The following POLR3F variants were observed in gnomAD, a reference collection of about 807,000 sequenced individuals.
The protein encoded by POLR3F is DNA-directed RNA polymerase III subunit RPC6.
A neutral mutation model predicts 43.6 loss-of-function variants in POLR3F; 31 were observed. That is an observed-to-expected ratio of 0.71 (90% CI 0.53 to 0.96). POLR3F has a LOEUF of 0.96. Ranked by LOEUF, POLR3F falls within the 40% of genes least tolerant of loss-of-function variation. The pLI is 0.00. For missense variants in POLR3F, 316 were observed against 391.7 expected (o/e 0.81, Z 1.63); for synonymous variants, 114 against 132.5 (o/e 0.86, Z 0.96).
At chr20:18,475,393 TTACTG>T (rs1250857089) in intron 5 of POLR3F, among the ~76,000 whole-genome samples, 2 of 152,228 alleles carry the variant, frequency 1.3e-5, no homozygotes, top group Non-Finnish European at 2.9e-5. Context: ...TAAAACTACT[TTACTG>T]TCTTCAGTGA....
At chr20:18,467,742 C>T (rs1200511321) in intron 1 of POLR3F, 174 bp downstream of exon 1, 2 of 1,360,562 alleles carry the variant, frequency 1.5e-6, no homozygotes, top group African/African-American at 1.5e-5. Context: ...GAGAGCAGAA[C>T]TCAAGAAGTT....
intron 4 of POLR3F, 82 bp from the exon 5 acceptor site, chr20:18,474,993 G>A: frequency 4.5e-6 from 3 of 661,978 alleles, no homozygotes. Context: ...TGCTAGCTTT[G>A]GAATGAGACA....
Position 18,467,536 on chromosome 20 carries a change from G to A in POLR3F, c.30G>A (p.Pro10=). 3 of 1,614,272 alleles carry A rather than the reference G, an allele frequency of 1.9e-6. No homozygotes were observed. Among genetic ancestry groups the A allele is most frequent in the Non-Finnish European group, 2.5e-6 (3 of 1,180,040 alleles). The stretch of plus-strand genomic sequence containing the variant: ...CGGAGGTGAAGGTGAAGGTGCAGCC[G>A]CCTGACGCGGATCCGGTCGAAATAG... The part of the protein sequence containing the change: MAEVKVKVQ[P]PDADPVEIEN... The change falls in exon 1 of 9, where the codon CCG becomes CCA. Residue 10 remains proline, a synonymous_variant. Transcript: ENST00000377603.
chr20:18,477,416 C>T (rs6081157), intron 5 of POLR3F, among the ~76,000 whole-genome samples: 101,317 of 152,044 alleles, frequency 0.67, 35,682 homozygotes, highest in Non-Finnish European at 0.8. Flanking sequence ...CAGAGTCTTA[C>T]CACATTGTCC....
intron 8 of POLR3F, among the ~76,000 whole-genome samples, chr20:18,482,978 G>A (rs890895967): frequency 6.6e-6 from 1 of 152,100 alleles, no homozygotes; most frequent in Non-Finnish European, 1.5e-5. Context: ...AGGTGAGCAT[G>A]GTCATCTTAA....
intron 5 of POLR3F, among the ~76,000 whole-genome samples, chr20:18,475,913 G>A (rs2059777484): frequency 6.6e-6 from 1 of 152,134 alleles, no homozygotes; most frequent in Admixed American, 6.6e-5. Context: ...AGAATTTGAT[G>A]CTTATTAGTG....
At chr20:18,469,152 A>C (rs564278487) in intron 2 of POLR3F, 91 bp downstream of exon 2, 3 of 741,134 alleles carry the variant, frequency 4.0e-6, no homozygotes, top group Non-Finnish European at 7.5e-6. Context: ...TTTCATGTCA[A>C]CTTGACTAAG....
At chr20:18,475,219 C>T (rs1161620543) in intron 5 of POLR3F, 32 bp downstream of exon 5, 7 of 792,702 alleles carry the variant, frequency 8.8e-6, no homozygotes, top group African/African-American at 8.7e-5. Flanking sequence ...TACCCACTTA[C>T]ATATGTTGCT....
At chr20:18,479,568 G>GA (rs1289839887) in intron 5 of POLR3F, among the ~76,000 whole-genome samples, 1 of 152,170 alleles carries the variant, frequency 6.6e-6, no homozygotes, top group Non-Finnish European at 1.5e-5. Flanking sequence ...GGAACCAAGT[G>GA]AAAAGCTTCC....
At chr20:18,472,332 T>TTG (rs1488434966) in intron 2 of POLR3F, among the ~76,000 whole-genome samples, 3 of 152,086 alleles carry the variant, frequency 2.0e-5, no homozygotes, top group Admixed American at 6.6e-5. Flanking sequence ...TACAGGCGCA[T>TTG]GCCACTGCAC....
At chr20:18,483,069 T>TC (rs1429536376) in intron 8 of POLR3F, among the ~76,000 whole-genome samples, 1 of 151,674 alleles carries the variant, frequency 6.6e-6, no homozygotes, top group East Asian at 1.9e-4. Context: ...TTCTTCCCGC[T>TC]CCCCCCTCGC....
rs770677177 is a variant in POLR3F at position 18,472,887 on chromosome 20, A to G, written c.226A>G (p.Ile76Val). ...LRSNTGLLYR[I>V]KDSQNAGKMK... ...GAGCAATACGGGCCTTTTATATAGA[A>G]TAAAGGACTCTCAGAATGCTGGGTA... Residue 76 changes from isoleucine (I) to valine (V), a missense_variant, in exon 3 of 9, where the codon ATA becomes GTA. Ile to Val is a conservative substitution (Grantham distance 29). Around this residue, in one of 3 missense-constraint regions of POLR3F, gnomAD observed 122 missense variants for 133.8 expected, o/e 0.91. Coordinates refer to ENST00000377603, the MANE Select transcript of POLR3F (RefSeq NM_006466.4). 6.7e-7 allele frequency: 1 copy of G among 1,498,260 alleles called. No individual in the cohort carries two copies. The highest frequency in any genetic ancestry group is 9.2e-7 in the Non-Finnish European group (1 of 1,087,168). 92.8% of individuals were successfully genotyped at this position (1,498,260 alleles called of 1,614,324 possible).
intron 6 of POLR3F, 106 bp downstream of exon 6, chr20:18,480,287 T>C: frequency 7.6e-7 from 1 of 1,312,158 alleles, no homozygotes; most frequent in Non-Finnish European, 1.1e-6. Context: ...AAACCTGAAA[T>C]TGGGAATTTT....
At position 18,467,403 on chromosome 20, in the gene POLR3F, C is replaced by T; in HGVS notation, c.-104C>T. On this transcript the variant is annotated 5_prime_UTR_variant, in exon 1 of 9. Coordinates refer to ENST00000377603, the MANE Select transcript of POLR3F (RefSeq NM_006466.4). ...CTGCGACACGAGGAAGAAGGCCCCT[C>T]GGCCTCAGCAGAGCGCTATCCTCCA... 4.0e-6 allele frequency: 5 copies of T among 1,264,412 alleles called. No homozygotes were observed. Among genetic ancestry groups the T allele is most frequent in the East Asian group, 2.4e-5 (1 of 42,410 alleles). The allele number at this position is 1,264,412 out of a possible 1,614,324, so 78.3% of individuals were successfully genotyped here. A position where few individuals can be genotyped will look rare whatever the true frequency, so the allele number is the denominator to read the frequency against.
chr20:18,483,607 G>A lies in POLR3F; in HGVS notation c.*49G>A, dbSNP rs1169433109. ...CATTTTGCAAATGAAGTTACTTAGG[G>A]AGCAGATAATTTAATTCATGATGGA... On this transcript the variant is annotated 3_prime_UTR_variant, in exon 9 of 9. Coordinates refer to ENST00000377603, the MANE Select transcript of POLR3F (RefSeq NM_006466.4). 2.5e-6 allele frequency: 2 copies of A among 787,396 alleles called. No homozygotes were observed. The highest frequency in any genetic ancestry group is 2.0e-5 in the South Asian group (1 of 49,228). The allele number at this position is 787,396 out of a possible 1,614,324, so 48.8% of individuals were successfully genotyped here. A position where few individuals can be genotyped will look rare whatever the true frequency, so the allele number is the denominator to read the frequency against.
Position 18,484,094 on chromosome 20 carries a change from C to T in POLR3F, c.*536C>T, listed in dbSNP as rs572078486. The T allele has an allele frequency of 2.5e-6, 1 of 398,384 alleles. No individual in the cohort carries two copies. The highest frequency in any genetic ancestry group is 2.1e-5 in the African/African-American group (1 of 48,710). The allele number at this position is 398,384 out of a possible 1,614,324, so 24.7% of individuals were successfully genotyped here. A position where few individuals can be genotyped will look rare whatever the true frequency, so the allele number is the denominator to read the frequency against. On this transcript the variant is annotated 3_prime_UTR_variant, in exon 9 of 9. Transcript: ENST00000377603. Reference sequence around the variant, plus strand: ...ATGACTGGGGGAGAGTGGAACATGCCTTTTCCGCACAATATTAATTCCTTT... The same window carrying T: ...ATGACTGGGGGAGAGTGGAACATGCTTTTTCCGCACAATATTAATTCCTTT...
At chr20:18,472,014 G>A (rs1459249513) in intron 2 of POLR3F, among the ~76,000 whole-genome samples, 3 of 152,098 alleles carry the variant, frequency 2.0e-5, no homozygotes, top group Non-Finnish European at 4.4e-5. Flanking sequence ...AGGGAATAGC[G>A]TCCCTCTCAA....
In POLR3F at chr20:18,483,460, AT is replaced by A. The variant is rs760995338; in HGVS notation, c.874-12del. On this transcript the variant is annotated intron_variant, in intron 8 of 8. Transcript: ENST00000377603. ...ATTTTAAAACTTTAATTTGAATATA[AT>A]TTTTTTTTCTTTTTTAAAGGTTTTT... 25 of 1,174,462 alleles carry A rather than the reference AT, an allele frequency of 2.1e-5. No homozygotes were observed. Among genetic ancestry groups the A allele is most frequent in the Middle Eastern group, 2.7e-4 (1 of 3,742 alleles). 72.8% of individuals were successfully genotyped at this position (1,174,462 alleles called of 1,614,324 possible). A position where few individuals can be genotyped will look rare whatever the true frequency, so the allele number is the denominator to read the frequency against.
chr20:18,473,139 C>CT (rs146331734), intron 3 of POLR3F: 3,160 of 301,054 alleles, frequency 0.01, 4 homozygotes, highest in Middle Eastern at 0.016. Flanking sequence ...TAATCTTTCT[C>CT]TTTTTTTTTT....
Sources: gnomAD v4.1 joint callset for allele counts (sites outside exome capture counted in the v4.1 genomes callset) on GRCh38, gnomAD v4.1.1 for gene constraint, gnomAD v4.1.1 regional missense constraint, MANE v1.5 for transcripts, NCBI Gene and HGNC (gene_info 2026-07-23, HGNC 2026-07-21) for gene names.